Variants in ZFHX3 observed in about 807,000 individuals in gnomAD.
ZFHX3 encodes zinc finger homeobox protein 3.
ZFHX3 carries 42 observed loss-of-function variants against 279.1 expected under a neutral mutation model. The ratio of observed to expected loss-of-function variants is 0.15; its 90% CI spans 0.12 to 0.19. ZFHX3 has a LOEUF of 0.19. ZFHX3 is among the 10% of genes least tolerant of loss of function. The pLI is 1.00. For synonymous variants in ZFHX3, 2,293 were observed against 1,957.8 expected (o/e 1.17, Z -4.52); for missense variants, 4,981 against 4,754.0 (o/e 1.05, Z -1.40).
At chr16:73,469,667 G>A (rs1186457616) in intron 2 of ZFHX3, among the ~76,000 whole-genome samples, 1 of 151,932 alleles carries the variant, frequency 6.6e-6, no homozygotes, top group Admixed American at 6.6e-5. Flanking sequence ...ACCCAGGCTG[G>A]AGTGCAGTGG....
At chr16:73,512,307 G>C (rs2019445585) in intron 2 of ZFHX3, among the ~76,000 whole-genome samples, 1 of 150,012 alleles carries the variant, frequency 6.7e-6, no homozygotes, top group African/African-American at 2.5e-5. Context: ...AATTAGCTGG[G>C]CATGGTGGTG....
chr16:73,280,911 G>T (rs1268225885), intron 4 of ZFHX3, among the ~76,000 whole-genome samples: 1 of 151,790 alleles, frequency 6.6e-6, no homozygotes, highest in Non-Finnish European at 1.5e-5. Context: ...TTTGAACCTG[G>T]GAGGTAGAGG....
At chr16:73,287,908 A>G (rs1470555240) in intron 4 of ZFHX3, among the ~76,000 whole-genome samples, 1 of 151,844 alleles carries the variant, frequency 6.6e-6, no homozygotes, top group East Asian at 1.9e-4. Flanking sequence ...GTGAGCCGGC[A>G]GCAGGCTCAT....
chr16:73,537,722 C>T (rs905374737), intron 2 of ZFHX3, among the ~76,000 whole-genome samples: 2 of 152,208 alleles, frequency 1.3e-5, no homozygotes, highest in African/African-American at 2.4e-5. Flanking sequence ...CTCTCCACAC[C>T]TGAAGCAGTT....
chr16:73,200,159 C>A (rs529245100), intron 5 of ZFHX3, among the ~76,000 whole-genome samples: 59 of 152,096 alleles, frequency 3.9e-4, no homozygotes, highest in African/African-American at 1.4e-3. Flanking sequence ...AGAATAAAAA[C>A]TAAAAAATGA....
chr16:73,142,458 A>AG (rs935307260), intron 6 of ZFHX3, among the ~76,000 whole-genome samples: 2 of 152,214 alleles, frequency 1.3e-5, no homozygotes, highest in Non-Finnish European at 2.9e-5. Flanking sequence ...GTGAGTACAG[A>AG]GGGGGGATTA....
chr16:73,356,738 A>G (rs1391612735), intron 3 of ZFHX3, among the ~76,000 whole-genome samples: 1 of 152,016 alleles, frequency 6.6e-6, no homozygotes, highest in Non-Finnish European at 1.5e-5. Flanking sequence ...GGCTATCAAT[A>G]TTATCATTAG....
intron 1 of ZFHX3, among the ~76,000 whole-genome samples, chr16:73,722,447 GCT>G (rs2053482748): frequency 6.6e-6 from 1 of 152,122 alleles, no homozygotes. Context: ...CTCACTCTTG[GCT>G]CTGATTTTTA....
chr16:73,062,252 G>A (rs2144745142), upstream of ZFHX3: 1 of 152,172 alleles, frequency 6.6e-6, no homozygotes. Flanking sequence ...TCACTCAAAT[G>A]GATATAGATA....
At chr16:73,750,789 G>T (rs2053755285) in intron 1 of ZFHX3, among the ~76,000 whole-genome samples, 1 of 152,128 alleles carries the variant, frequency 6.6e-6, no homozygotes, top group Non-Finnish European at 1.5e-5. Context: ...TCGGAACATT[G>T]CAGGCAATTA....
At chr16:72,900,702 T>C (rs1176024208) in intron 3 of ZFHX3, among the ~76,000 whole-genome samples, 2 of 152,214 alleles carry the variant, frequency 1.3e-5, no homozygotes, top group Non-Finnish European at 2.9e-5. Context: ...TGCTACGCCC[T>C]AGATCGCTGG....
At chr16:73,891,181 T>A (rs964001784) in intron 1 of ZFHX3, among the ~76,000 whole-genome samples, 2 of 151,892 alleles carry the variant, frequency 1.3e-5, no homozygotes, top group African/African-American at 4.8e-5. Context: ...GTCACAGCAA[T>A]CATGTCATGA....
At chr16:73,720,951 T>C (rs1038985285) in intron 1 of ZFHX3, among the ~76,000 whole-genome samples, 5 of 152,210 alleles carry the variant, frequency 3.3e-5, no homozygotes, top group African/African-American at 7.2e-5. Context: ...ATTTATTCTG[T>C]GATTGTAAAG....
intron 1 of ZFHX3, among the ~76,000 whole-genome samples, chr16:73,720,323 T>C (rs73599967): frequency 0.085 from 12,932 of 152,216 alleles, 883 homozygotes; most frequent in African/African-American, 0.19. Context: ...TGTTAGGGAA[T>C]TGATCATAAA....
chr16:73,446,528 C>G (rs576866861), intron 3 of ZFHX3, among the ~76,000 whole-genome samples: 12 of 152,262 alleles, frequency 7.9e-5, no homozygotes, highest in Non-Finnish European at 1.3e-4. Flanking sequence ...GGTCCCTCCC[C>G]CAACACGTGA....
intron 5 of ZFHX3, among the ~76,000 whole-genome samples, chr16:73,243,551 C>G (rs1326372587): frequency 6.6e-6 from 1 of 152,212 alleles, no homozygotes; most frequent in South Asian, 2.1e-4. Context: ...ATCCAACCCA[C>G]TAAGCTATTA....
intron 3 of ZFHX3, chr16:73,402,133 C>T (rs2017268598): frequency 6.6e-6 from 1 of 152,164 alleles, no homozygotes; most frequent in South Asian, 2.1e-4. Flanking sequence ...CATTTCAAGA[C>T]TGGGTTATCT....
exon 1 of ZFHX3, chr16:73,059,360 ACAC>A: frequency 8.3e-6 from 1 of 121,200 alleles, no homozygotes; most frequent in Non-Finnish European, 1.6e-5. Context: ...CACGACACAC[ACAC>A]GAGCGCGCGC....
intron 1 of ZFHX3, among the ~76,000 whole-genome samples, chr16:72,997,677 A>T (rs956242812): frequency 6.6e-6 from 1 of 152,212 alleles, no homozygotes; most frequent in Non-Finnish European, 1.5e-5. Flanking sequence ...CCAGAATCAT[A>T]ACCCACACAT....
Sources: gnomAD v4.1 joint callset for allele counts (sites outside exome capture counted in the v4.1 genomes callset) on GRCh38, gnomAD v4.1.1 for gene constraint, MANE v1.5 for transcripts, NCBI Gene and HGNC (gene_info 2026-07-23, HGNC 2026-07-21) for gene names.